Variants in SDK1 observed in about 807,000 individuals in gnomAD.
The protein encoded by SDK1 is sidekick cell adhesion molecule 1, also known as protein sidekick-1.
Under a neutral mutation model 245.5 loss-of-function variants are expected in SDK1, and 157 were observed. The ratio of observed to expected loss-of-function variants is 0.64; its 90% CI spans 0.56 to 0.73. The LOEUF (loss-of-function observed/expected upper bound fraction) is 0.73, where lower values mean the gene tolerates loss of function less well. SDK1 is among the 30% of genes least tolerant of loss of function. The pLI, the probability that SDK1 is intolerant of heterozygous loss-of-function variation, is 0.00. For synonymous variants in SDK1, 1,647 were observed against 1,278.5 expected, an observed-to-expected ratio of 1.29 and a Z score of -6.15; for missense variants, 3,583 against 3,002.3, an observed-to-expected ratio of 1.19 and a Z score of -4.52.
At chr7:3,770,244 C>G (rs1780371019) in intron 4 of SDK1, among the ~76,000 whole-genome samples, 1 of 152,094 alleles carries the variant, frequency 6.6e-6, no homozygotes, top group African/African-American at 2.4e-5. Flanking sequence ...ATTTTTCCCT[C>G]TCAGTGTAAT....
intron 17 of SDK1, among the ~76,000 whole-genome samples, chr7:4,038,450 C>G (rs1349862847): frequency 1.3e-5 from 2 of 152,184 alleles, no homozygotes; most frequent in Non-Finnish European, 2.9e-5. Flanking sequence ...ATGCCATACA[C>G]CAAGTGCCGT....
At chr7:4,046,709 G>C (rs546172425) in intron 17 of SDK1, among the ~76,000 whole-genome samples, 5 of 152,294 alleles carry the variant, frequency 3.3e-5, no homozygotes, top group African/African-American at 1.2e-4. Flanking sequence ...AAATCATACA[G>C]TAAAGGTTAT....
In SDK1 at chr7:3,571,981, GA is replaced by G. The variant is rs564475988; in HGVS notation, c.299-47094del. Reference sequence around the variant, plus strand: ...TTACTTACTTGCTATCTGCTGTTAGGAAAAATTTTAAAATCCACTTATTGAA... The same window carrying G: ...TTACTTACTTGCTATCTGCTGTTAGGAAAATTTTAAAATCCACTTATTGAA... On this transcript the variant is annotated intron_variant, in intron 1 of 44. Coordinates refer to ENST00000404826, the MANE Select transcript of SDK1 (RefSeq NM_152744.4). 5.9e-5 allele frequency among the ~76,000 whole-genome samples: 9 copies of G among 152,070 alleles called. No individual in the cohort carries two copies. In the South Asian group the frequency reaches 1.7e-3, roughly 28 times the overall value.
At position 3,682,665 on chromosome 7, in the gene SDK1, C is replaced by G. The variant is rs565165404; in HGVS notation, c.713+40560C>G. The stretch of plus-strand genomic sequence containing the variant: ...GCTTCATAGAGCTGCCTGTTATACT[C>G]CAACCTGCTCTCCTCTCTCAGAAGG... On this transcript the variant is annotated intron_variant, in intron 4 of 44. Transcript: ENST00000404826. Among the ~76,000 whole-genome samples the G allele has an allele frequency of 4.7e-5, 7 of 148,408 alleles. No homozygotes were observed. In the South Asian group the frequency reaches 6.4e-4, roughly 14 times the overall value.
chr7:3,614,879 T>G (rs921697540), intron 1 of SDK1, among the ~76,000 whole-genome samples: 3 of 151,892 alleles, frequency 2.0e-5, no homozygotes, highest in African/African-American at 7.2e-5. Context: ...TCGAGATATT[T>G]GCTTGCCAGC....
chr7:3,615,534 A>G (rs1781738804), intron 1 of SDK1, among the ~76,000 whole-genome samples: 1 of 151,738 alleles, frequency 6.6e-6, no homozygotes, highest in South Asian at 2.1e-4. Context: ...CATCAGACCT[A>G]GATTATAAGC....
At chr7:4,151,537 C>T (rs956048911) in intron 30 of SDK1, among the ~76,000 whole-genome samples, 1 of 152,166 alleles carries the variant, frequency 6.6e-6, no homozygotes, top group Non-Finnish European at 1.5e-5. Flanking sequence ...GCAGCAGCTC[C>T]GGCTTGATGT....
At chr7:3,807,914 C>A (rs1243437876) in intron 4 of SDK1, among the ~76,000 whole-genome samples, 3 of 152,154 alleles carry the variant, frequency 2.0e-5, no homozygotes, top group East Asian at 1.9e-4. Context: ...TACCAATCAC[C>A]TTTTAATATC....
At chr7:4,180,209 C>G (rs1782510763) in intron 35 of SDK1, among the ~76,000 whole-genome samples, 1 of 151,186 alleles carries the variant, frequency 6.6e-6, no homozygotes, top group African/African-American at 2.4e-5. Flanking sequence ...CGCCCGGCTC[C>G]AGCTCTATGC....
chr7:4,157,476 G>GGGAAGGAAGGAGGGAA (rs1554368270), intron 30 of SDK1, among the ~76,000 whole-genome samples: 1 of 108,104 alleles, frequency 9.3e-6, no homozygotes, highest in Non-Finnish European at 1.9e-5. Flanking sequence ...GAAGGAAGGA[G>GGGAAGGAAGGAGGGAA]GGAAGGAAGG....
At chr7:3,808,953 G>A (rs996076513) in intron 4 of SDK1, among the ~76,000 whole-genome samples, 22 of 152,328 alleles carry the variant, frequency 1.4e-4, no homozygotes, top group African/African-American at 5.1e-4. Context: ...AGTTAGGGGA[G>A]CCTGTGTTTT....
chr7:3,644,909 T>G (rs532901523), intron 4 of SDK1, among the ~76,000 whole-genome samples: 2 of 151,198 alleles, frequency 1.3e-5, no homozygotes, highest in South Asian at 4.2e-4. Context: ...AGGATAAATG[T>G]TGGGGGAGAA....
At chr7:4,228,285 C>T (rs1785555295) in intron 40 of SDK1, among the ~76,000 whole-genome samples, 1 of 150,608 alleles carries the variant, frequency 6.6e-6, no homozygotes, top group South Asian at 2.1e-4. Flanking sequence ...GGAAGGTGCT[C>T]TTTCGGGCAG....
intron 1 of SDK1, among the ~76,000 whole-genome samples, chr7:3,305,481 C>T (rs1280906350): frequency 6.6e-6 from 1 of 152,164 alleles, no homozygotes; most frequent in African/African-American, 2.4e-5. Context: ...GGCATTTCTG[C>T]CACTTGTTTG....
chr7:3,384,138 G>T (rs78098935), intron 1 of SDK1, among the ~76,000 whole-genome samples: 2 of 152,108 alleles, frequency 1.3e-5, no homozygotes, highest in East Asian at 1.9e-4. Context: ...TTCTTTTACA[G>T]CTATTCATGG....
intron 25 of SDK1, among the ~76,000 whole-genome samples, chr7:4,121,360 T>C (rs554071933): frequency 6.6e-6 from 1 of 151,990 alleles, no homozygotes; most frequent in South Asian, 2.1e-4. Flanking sequence ...TGGTGGGAGG[T>C]GATTGGATCA....
At chr7:3,486,773 G>A (rs1004677107) in intron 1 of SDK1, among the ~76,000 whole-genome samples, 16 of 151,992 alleles carry the variant, frequency 1.1e-4, no homozygotes, top group African/African-American at 3.9e-4. Context: ...TGGAAGACTT[G>A]TATTTTTTTA....
intron 1 of SDK1, among the ~76,000 whole-genome samples, chr7:3,396,519 T>G (rs1292665256): frequency 6.6e-6 from 1 of 151,904 alleles, no homozygotes; most frequent in Non-Finnish European, 1.5e-5. Flanking sequence ...TTTGTCAGTT[T>G]TAGTTTTATG....
intron 4 of SDK1, among the ~76,000 whole-genome samples, chr7:3,648,473 T>C (rs554990190): frequency 2.6e-5 from 4 of 152,370 alleles, no homozygotes; most frequent in African/African-American, 9.6e-5. Flanking sequence ...TTGCCAGTAA[T>C]GATCTGGATT....
Sources: allele counts gnomAD v4.1 joint callset (sites outside exome capture counted in the v4.1 genomes callset), GRCh38; gene constraint gnomAD v4.1.1; transcripts MANE v1.5; gene names NCBI Gene and HGNC (gene_info 2026-07-23, HGNC 2026-07-21).